Variants in ATP13A1 observed in about 807,000 individuals in gnomAD.
ATP13A1 encodes the protein ATPase 13A1, also known as endoplasmic reticulum transmembrane helix translocase.
In ATP13A1, 55 loss-of-function variants were observed where a neutral mutation model predicts 134.8. That is an observed-to-expected ratio of 0.41 (90% CI 0.33 to 0.51). The LOEUF (loss-of-function observed/expected upper bound fraction) is 0.51. Ranked by LOEUF, ATP13A1 falls within the 20% of genes least tolerant of loss-of-function variation. The probability of loss-of-function intolerance (pLI) is 0.29; values close to 1 mark genes in which losing one functional copy is unlikely to be tolerated. For missense variants in ATP13A1, 1,389 were observed against 1,652.8 expected, an observed-to-expected ratio of 0.84 and a Z score of 2.77; for synonymous variants, 775 against 725.1, an observed-to-expected ratio of 1.07 and a Z score of -1.10.
intron 23 of ATP13A1, 73 bp downstream of exon 23, chr19:19,646,132 G>GTGGAGT: frequency 6.2e-7 from 1 of 1,605,452 alleles, no homozygotes; most frequent in Non-Finnish European, 8.5e-7. Flanking sequence ...AGCCTCTCCT[G>GTGGAGT]CTGAAGTCTG....
At chr19:19,646,978 C>T in intron 22 of ATP13A1, 151 bp downstream of exon 22, 1 of 867,514 alleles carries the variant, frequency 1.2e-6, no homozygotes, top group South Asian at 1.8e-5. Context: ...TCCACACCTG[C>T]CCTGCCAGCA....
rs1332276475 is a variant in ATP13A1, at chr19:19,663,592, C to T, written c.75G>A (p.Gln25=). ...CGCGCGGCTGCGGCCCGGGCTTGGG[C>T]TGCCCGTCAGGCCGGACCCCGCAAG... ...ARPCGVRPDG[Q]PKPGPQPRAL... is the part of the protein sequence containing the mutation. The change falls in exon 1 of 26, where the codon CAG becomes CAA. Residue 25 remains glutamine, a synonymous_variant. Coordinates refer to ENST00000357324, the MANE Select transcript of ATP13A1 (RefSeq NM_020410.3). 3 of 1,458,856 alleles carry T rather than the reference C, an allele frequency of 2.1e-6. No homozygotes were observed. Among genetic ancestry groups the T allele is most frequent in the African/African-American group, 1.5e-5 (1 of 67,328 alleles). The allele number at this position is 1,458,856 out of a possible 1,614,324, so 90.4% of individuals were successfully genotyped here.
Position 19,645,225 on chromosome 19 carries a change from T to C in ATP13A1, c.*197A>G, listed in dbSNP as rs1310228914. On this transcript the variant is annotated 3_prime_UTR_variant, in exon 26 of 26. Transcript: ENST00000357324. The surrounding 1 kb of genome is among the most constrained non-coding windows in gnomAD (Gnocchi z 4.1). ...TTTAAAATCTCAGATGCTGCTTTAT[T>C]TACCAAAGGTGCTGGCTTGGGGCTG... 1 of 621,296 alleles carries C rather than the reference T, an allele frequency of 1.6e-6. No individual in the cohort carries two copies. The highest frequency in any genetic ancestry group is 1.9e-5 in the African/African-American group (1 of 54,008). The allele number at this position is 621,296 out of a possible 1,614,324, so 38.5% of individuals were successfully genotyped here.
chr19:19,654,175 G>A (rs1265369483), intron 13 of ATP13A1, 31 bp from the exon 14 acceptor site: 2 of 1,555,776 alleles, frequency 1.3e-6, no homozygotes, highest in African/African-American at 1.4e-5. Flanking sequence ...GTCCTGAGGG[G>A]CTTTGCTCCA....
Position 19,655,016 on chromosome 19 carries a change from A to T in ATP13A1, c.1655+103T>A. Reference sequence around the variant, plus strand: ...AAATGAACCCGAGGCAGGGCCTCTGACGGGCCCTCACTGCAAGGGCTTGGG... The same window carrying T: ...AAATGAACCCGAGGCAGGGCCTCTGTCGGGCCCTCACTGCAAGGGCTTGGG... On this transcript the variant is annotated intron_variant, in intron 12 of 25. Transcript: ENST00000357324. This position sits in a 1 kb window ranked among gnomAD's most constrained non-coding sequence, Gnocchi z 5.7. The T allele has an allele frequency of 6.6e-7, 1 of 1,505,994 alleles. No homozygotes were observed. The highest frequency in any genetic ancestry group is 8.9e-7 in the Non-Finnish European group (1 of 1,124,092). The allele number at this position is 1,505,994 out of a possible 1,614,324, so 93.3% of individuals were successfully genotyped here. A position where few individuals can be genotyped will look rare whatever the true frequency, so the allele number is the denominator to read the frequency against.
At position 19,653,757 on chromosome 19, in the gene ATP13A1, G is replaced by A; in HGVS notation, c.2100+27C>T. On this transcript the variant is annotated intron_variant, in intron 15 of 25. Coordinates refer to ENST00000357324, the MANE Select transcript of ATP13A1 (RefSeq NM_020410.3). This position sits in a 1 kb window ranked among gnomAD's most constrained non-coding sequence, Gnocchi z 4.2. ...GGAGCTGACGGGCCAGGCACATGGT[G>A]AAGGCAGGGGGAGCCTGGGCCCGTA... is the stretch of plus-strand genomic sequence containing the variant. The A allele has an allele frequency of 6.6e-7, 1 of 1,523,338 alleles. No individual in the cohort carries two copies. 94.4% of individuals were successfully genotyped at this position (1,523,338 alleles called of 1,614,324 possible).
Position 19,656,294 on chromosome 19 carries a change from CCCGA to C in ATP13A1, c.1084-115_1084-112del. The C allele has an allele frequency of 7.0e-7, 1 of 1,430,492 alleles. No homozygotes were observed. Among genetic ancestry groups the C allele is most frequent in the Non-Finnish European group, 9.4e-7 (1 of 1,064,460 alleles). The allele number at this position is 1,430,492 out of a possible 1,614,324, so 88.6% of individuals were successfully genotyped here. On this transcript the variant is annotated intron_variant, in intron 7 of 25. Transcript: ENST00000357324. This position sits in a 1 kb window ranked among gnomAD's most constrained non-coding sequence, Gnocchi z 4.6. Reference sequence around the variant, plus strand: ...CTGGAATGAGCCAGGGGGATCCCCACCCGACCAATACATCCCACCCAGCTCCCAG... The same window carrying C: ...CTGGAATGAGCCAGGGGGATCCCCACCCAATACATCCCACCCAGCTCCCAG...
At position 19,656,293 on chromosome 19, in the gene ATP13A1, AC is replaced by A; in HGVS notation, c.1084-111del. 6.2e-6 allele frequency: 9 copies of A among 1,442,376 alleles called. No individual in the cohort carries two copies. In the South Asian group the frequency reaches 1.2e-4, roughly 19 times the overall value. 89.3% of individuals were successfully genotyped at this position (1,442,376 alleles called of 1,614,324 possible). On this transcript the variant is annotated intron_variant, in intron 7 of 25. Transcript: ENST00000357324. This position sits in a 1 kb window ranked among gnomAD's most constrained non-coding sequence, Gnocchi z 4.6. ...GCTGGAATGAGCCAGGGGGATCCCC[AC>A]CCGACCAATACATCCCACCCAGCTC...
chr19:19,657,182 A>T (rs1249367408), intron 4 of ATP13A1, 33 bp from the exon 5 acceptor site: 2 of 1,493,536 alleles, frequency 1.3e-6, no homozygotes, highest in Non-Finnish European at 8.9e-7. Context: ...TCCTTGCCCT[A>T]CCCGCCCTGT....
In ATP13A1 at chr19:19,656,245, T is replaced by C; in HGVS notation, c.1084-62A>G. ...TACCTTGCTTCCTTCTCCATCTGAG[T>C]TCCTGGACAGCTGGACCTTGAGGCT... On this transcript the variant is annotated intron_variant, in intron 7 of 25. Transcript: ENST00000357324. This position sits in a 1 kb window ranked among gnomAD's most constrained non-coding sequence, Gnocchi z 4.6. 1.3e-6 allele frequency: 2 copies of C among 1,545,114 alleles called. No individual in the cohort carries two copies. Among genetic ancestry groups the C allele is most frequent in the South Asian group, 1.2e-5 (1 of 80,372 alleles).
At position 19,649,891 on chromosome 19, in the gene ATP13A1, C is replaced by T; in HGVS notation, c.2385G>A (p.Leu795=). The T allele has an allele frequency of 1.9e-6, 3 of 1,600,804 alleles. No homozygotes were observed. The highest frequency in any genetic ancestry group is 2.5e-6 in the Non-Finnish European group (3 of 1,179,510). ...CCAGTGCCTTTGGGGAGCCCCGGGC[C>T]AGGGGCAGCACGATGCTGCCGTCAA... ...RSIDGSIVLP[L]ARGSPKALAL... is the part of the protein sequence containing the mutation. The change falls in exon 18 of 26, where the codon CTG becomes CTA. Residue 795 remains leucine (L), a synonymous_variant. Transcript: ENST00000357324.
Position 19,656,511 on chromosome 19 carries a change from C to G in ATP13A1, c.1083+149G>C. On this transcript the variant is annotated intron_variant, in intron 7 of 25. Transcript: ENST00000357324. This position sits in a 1 kb window ranked among gnomAD's most constrained non-coding sequence, Gnocchi z 4.6. ...CTCTCACCTCCTTCCTCGCCCCCAC[C>G]ACCCGGCTCCCCAGTCCACAGAGCT... 1.1e-6 allele frequency: 1 copy of G among 907,408 alleles called. No individual in the cohort carries two copies. The allele number at this position is 907,408 out of a possible 1,614,324, so 56.2% of individuals were successfully genotyped here.
chr19:19,647,109 C>G lies in ATP13A1; in HGVS notation c.3105+20G>C. The G allele has an allele frequency of 6.2e-7, 1 of 1,600,096 alleles. No homozygotes were observed. The highest frequency in any genetic ancestry group is 1.7e-5 in the Admixed American group (1 of 58,084). On this transcript the variant is annotated intron_variant, in intron 22 of 25. Coordinates refer to ENST00000357324, the MANE Select transcript of ATP13A1 (RefSeq NM_020410.3). The surrounding 1 kb of genome is among the most constrained non-coding windows in gnomAD (Gnocchi z 4.8). The stretch of plus-strand genomic sequence containing the variant: ...GGCAGGCCCATGCATCCCTGGCCTT[C>G]CAGCACCTCTGGGGCCCACCTTGGA...
chr19:19,648,194 C>G (rs2061999226), intron 19 of ATP13A1, among the ~76,000 whole-genome samples: 1 of 152,030 alleles, frequency 6.6e-6, no homozygotes, highest in Non-Finnish European at 1.5e-5. Context: ...TGGCATGTGC[C>G]TGTAATTCCA....
rs1035056244 is a variant in ATP13A1, at chr19:19,656,535, C to T, written c.1083+125G>A. ...CCACCCGGCTCCCCAGTCCACAGAG[C>T]TCATCTGTGCCCACACTGCCTCCTC... On this transcript the variant is annotated intron_variant, in intron 7 of 25. Coordinates refer to ENST00000357324, the MANE Select transcript of ATP13A1 (RefSeq NM_020410.3). The surrounding 1 kb of genome is among the most constrained non-coding windows in gnomAD (Gnocchi z 4.6). The T allele has an allele frequency of 1.9e-6, 2 of 1,060,162 alleles. No individual in the cohort carries two copies. Among genetic ancestry groups the T allele is most frequent in the Non-Finnish European group, 2.7e-6 (2 of 728,174 alleles). The allele number at this position is 1,060,162 out of a possible 1,614,324, so 65.7% of individuals were successfully genotyped here.
chr19:19,662,762 T>A (rs1462345822), intron 1 of ATP13A1, among the ~76,000 whole-genome samples: 2 of 152,186 alleles, frequency 1.3e-5, no homozygotes, highest in Admixed American at 1.3e-4. Context: ...CTCCTTTCCA[T>A]CACAGTATGG....
intron 17 of ATP13A1, 163 bp downstream of exon 17, chr19:19,651,526 A>G (rs1438830949): frequency 9.4e-6 from 5 of 533,334 alleles, no homozygotes; most frequent in Non-Finnish European, 1.0e-5. Context: ...GAACGCTCAC[A>G]TGCTGTCCGA....
At chr19:19,661,107 A>AAAAC (rs543597247) in intron 1 of ATP13A1, among the ~76,000 whole-genome samples, 1 of 152,064 alleles carries the variant, frequency 6.6e-6, no homozygotes, top group African/African-American at 2.4e-5. Flanking sequence ...AAACAAAAAA[A>AAAAC]CCCCAAAAAA....
chr19:19,655,192 C>A lies in ATP13A1; in HGVS notation c.1582G>T (p.Glu528Ter). The A allele has an allele frequency of 6.2e-7, 1 of 1,614,028 alleles. No homozygotes were observed. Among genetic ancestry groups the A allele is most frequent in the Non-Finnish European group, 8.5e-7 (1 of 1,179,894 alleles). The change falls in exon 12 of 26, where the codon GAG becomes TAG. Residue 528 changes from glutamate (E) to a stop codon, truncating the protein, a stop_gained. Transcript: ENST00000357324. LOFTEE classifies it high-confidence loss of function. The surrounding 1 kb of genome is among the most constrained non-coding windows in gnomAD (Gnocchi z 5.7). The stretch of plus-strand genomic sequence containing the variant: ...CCCGTCTTGTCAAAGCAGCACACCT[C>A]GACCTTGCCAGCAAAGGGGATCCGG... Reference protein sequence around the residue: ...PFRIPFAGKVEVCCFDKTGTL... With the variant: ...PFRIPFAGKV
Sources: allele counts gnomAD v4.1 joint callset (sites outside exome capture counted in the v4.1 genomes callset), GRCh38; gene constraint gnomAD v4.1.1; non-coding constraint Gnocchi (gnomAD v3.1); transcripts MANE v1.5; gene names NCBI Gene and HGNC (gene_info 2026-07-23, HGNC 2026-07-21).